Variants in GPC5 observed in about 807,000 individuals in gnomAD.
GPC5 encodes the protein glypican-5.
Under a neutral mutation model 53.9 loss-of-function variants are expected in GPC5, and 47 were observed. The observed-to-expected ratio is 0.87, with a 90% confidence interval of 0.69 to 1.11. GPC5 has a LOEUF of 1.11. GPC5 is among the 50% of genes most tolerant of loss of function. GPC5 has a pLI of 0.00. For missense variants in GPC5, 748 were observed against 713.1 expected, an observed-to-expected ratio of 1.05 and a Z score of -0.56; for synonymous variants, 286 against 263.3, an observed-to-expected ratio of 1.09 and a Z score of -0.84.
intron 7 of GPC5, among the ~76,000 whole-genome samples, chr13:92,393,759 G>A (rs1875133085): frequency 6.6e-6 from 1 of 152,128 alleles, no homozygotes; most frequent in South Asian, 2.1e-4. Context: ...TAACTATTGG[G>A]TACTGGACTT....
intron 2 of GPC5, among the ~76,000 whole-genome samples, chr13:91,562,127 G>A (rs911128406): frequency 3.5e-5 from 5 of 141,976 alleles, no homozygotes; most frequent in Admixed American, 7.5e-5. Context: ...TGAGTTTAAC[G>A]GGAGTTATTC....
intron 4 of GPC5, among the ~76,000 whole-genome samples, chr13:91,730,979 A>G (rs1280022523): frequency 1.3e-5 from 2 of 152,228 alleles, no homozygotes; most frequent in Non-Finnish European, 2.9e-5. Flanking sequence ...CTACTAAGAC[A>G]TTTGGGTGAT....
chr13:92,832,464 A>ATATT (rs1878078932), intron 7 of GPC5, among the ~76,000 whole-genome samples: 1 of 152,196 alleles, frequency 6.6e-6, no homozygotes, highest in Non-Finnish European at 1.5e-5. Flanking sequence ...TGTATTTCTA[A>ATATT]TATTTTTTAA....
In GPC5 at chr13:92,527,255, G is replaced by GAA. The variant is rs1266241407; in HGVS notation, c.1562-339025_1562-339024dup. ...AAAGAAAGAAAGAAAGAAAGAGAAA[G>GAA]AAAGAAAGAAAGAAAGAAAGAAAGA... On this transcript the variant is annotated intron_variant, in intron 7 of 7. Transcript: ENST00000377067. Among the ~76,000 whole-genome samples the GAA allele has an allele frequency of 1.0e-4, 8 of 78,284 alleles. 1 individual carries two copies. Among genetic ancestry groups the GAA allele is most frequent in the African/African-American group, 4.9e-4 (7 of 14,178 alleles). The allele number at this position is 78,284 out of a possible 152,430, so 51.4% of individuals were successfully genotyped here.
At chr13:92,142,179 T>C (rs1451953184) in intron 6 of GPC5, among the ~76,000 whole-genome samples, 1 of 152,212 alleles carries the variant, frequency 6.6e-6, no homozygotes, top group Non-Finnish European at 1.5e-5. Flanking sequence ...ACATGTACCC[T>C]AGAACTTAAA....
chr13:92,542,400 C>T (rs1272197412), intron 7 of GPC5, among the ~76,000 whole-genome samples: 1 of 151,940 alleles, frequency 6.6e-6, no homozygotes, highest in Non-Finnish European at 1.5e-5. Context: ...TTTATGAGAT[C>T]AACATTTTCA....
chr13:92,477,123 G>A (rs922153245), intron 7 of GPC5, among the ~76,000 whole-genome samples: 1 of 152,088 alleles, frequency 6.6e-6, no homozygotes. Context: ...GACACATTTA[G>A]TAATGAGCAA....
At chr13:92,235,485 T>C (rs2042563166) in intron 7 of GPC5, among the ~76,000 whole-genome samples, 1 of 152,186 alleles carries the variant, frequency 6.6e-6, no homozygotes, top group Non-Finnish European at 1.5e-5. Flanking sequence ...TCCACACATT[T>C]ATTTCACCCT....
At chr13:91,773,482 GT>G (rs1226035544) in intron 5 of GPC5, among the ~76,000 whole-genome samples, 3 of 152,056 alleles carry the variant, frequency 2.0e-5, no homozygotes, top group Non-Finnish European at 4.4e-5. Context: ...AAAATTCATG[GT>G]TTATTAATGA....
intron 5 of GPC5, among the ~76,000 whole-genome samples, chr13:91,879,600 A>G (rs1200100514): frequency 6.6e-6 from 1 of 152,140 alleles, no homozygotes; most frequent in African/African-American, 2.4e-5. Flanking sequence ...GAGCTGCTTT[A>G]TAAGGTTGCT....
chr13:92,508,126 G>A (rs1030426103), intron 7 of GPC5, among the ~76,000 whole-genome samples: 2 of 152,050 alleles, frequency 1.3e-5, no homozygotes, highest in African/African-American at 2.4e-5. Context: ...ACCATGCTGG[G>A]CTAATTTTTT....
chr13:91,739,640 T>A (rs2036887223), intron 4 of GPC5, among the ~76,000 whole-genome samples: 1 of 151,304 alleles, frequency 6.6e-6, no homozygotes, highest in South Asian at 2.1e-4. Context: ...GTTGTCACAG[T>A]GACCTCTCCA....
At chr13:91,977,847 C>T (rs1472586575) in intron 6 of GPC5, among the ~76,000 whole-genome samples, 1 of 151,874 alleles carries the variant, frequency 6.6e-6, no homozygotes, top group African/African-American at 2.4e-5. Flanking sequence ...TGCAATGGAT[C>T]ATGCCTGTAA....
intron 4 of GPC5, among the ~76,000 whole-genome samples, chr13:91,747,396 C>T (rs1190967774): frequency 6.6e-6 from 1 of 152,168 alleles, no homozygotes; most frequent in East Asian, 1.9e-4. Flanking sequence ...CATGTTTCTC[C>T]CCTGCCTTCA....
chr13:92,220,490 A>G (rs1157578294), intron 7 of GPC5, among the ~76,000 whole-genome samples: 2 of 152,196 alleles, frequency 1.3e-5, no homozygotes, highest in African/African-American at 4.8e-5. Flanking sequence ...AAGTGAATCA[A>G]TATAAGTCTA....
chr13:92,528,007 C>T (rs1881427491), intron 7 of GPC5, among the ~76,000 whole-genome samples: 1 of 151,908 alleles, frequency 6.6e-6, no homozygotes, highest in Admixed American at 6.6e-5. Flanking sequence ...TAATTTTGAG[C>T]ATAAAAATTG....
At chr13:92,724,935 G>A (rs1193665719) in intron 7 of GPC5, among the ~76,000 whole-genome samples, 2 of 144,180 alleles carry the variant, frequency 1.4e-5, no homozygotes, top group African/African-American at 5.0e-5. Flanking sequence ...CAAGAGAGTA[G>A]CTAAGATCTA....
At chr13:92,292,733 A>C (rs780815181) in intron 7 of GPC5, among the ~76,000 whole-genome samples, 2 of 152,092 alleles carry the variant, frequency 1.3e-5, no homozygotes, top group Non-Finnish European at 2.9e-5. Context: ...TGGTCATGAA[A>C]ACTTCGCCTA....
At chr13:92,283,617 C>G (rs2042932421) in intron 7 of GPC5, among the ~76,000 whole-genome samples, 1 of 152,230 alleles carries the variant, frequency 6.6e-6, no homozygotes, top group South Asian at 2.1e-4. Flanking sequence ...TACATGGAAA[C>G]TGAACAACCT....
Sources: allele counts gnomAD v4.1 joint callset (sites outside exome capture counted in the v4.1 genomes callset), GRCh38; gene constraint gnomAD v4.1.1; transcripts MANE v1.5; gene names NCBI Gene and HGNC (gene_info 2026-07-23, HGNC 2026-07-21).